The following CD99L2 variants were observed in gnomAD, a reference collection of about 807,000 sequenced individuals.
CD99L2 encodes CD99 antigen-like protein 2.
Under a neutral mutation model 27.3 loss-of-function variants are expected in CD99L2, and 24 were observed. The ratio of observed to expected loss-of-function variants is 0.88; its 90% CI spans 0.64 to 1.24. The LOEUF (loss-of-function observed/expected upper bound fraction) is 1.24, where lower values mean the gene tolerates loss of function less well. Ranked by LOEUF, CD99L2 falls within the 50% of genes most tolerant of loss-of-function variation. The pLI is 0.00. For missense variants in CD99L2, 255 were observed against 221.6 expected, an observed-to-expected ratio of 1.15 and a Z score of -0.96; for synonymous variants, 97 against 87.9, an observed-to-expected ratio of 1.10 and a Z score of -0.58.
At chrX:150,829,063 T>C (rs1430181115) in intron 2 of CD99L2, 3 of 114,242 alleles carry the variant, frequency 2.6e-5, no homozygotes, top group African/African-American at 9.8e-5. Context: ...GATTTGTCCA[T>C]GGCTGTAGCC....
chrX:150,872,869 G>A (rs1483666010), intron 1 of CD99L2, among the ~76,000 whole-genome samples: 1 of 111,827 alleles, frequency 8.9e-6, no homozygotes, highest in Non-Finnish European at 1.9e-5. Context: ...GTAGAGGATG[G>A]GCCAGTGGCC....
At chrX:150,873,575 AT>A (rs782734167) in intron 1 of CD99L2, among the ~76,000 whole-genome samples, 22 of 112,017 alleles carry the variant, frequency 2.0e-4, no homozygotes, top group Admixed American at 1.0e-3. Context: ...TTATATCTCA[AT>A]TTTTTTAAAG....
At chrX:150,863,135 T>C (rs879974578) in intron 1 of CD99L2, among the ~76,000 whole-genome samples, 2 of 112,422 alleles carry the variant, frequency 1.8e-5, no homozygotes, top group Admixed American at 1.9e-4. Flanking sequence ...ATTATGCCTT[T>C]GCTACAAGTT....
intron 7 of CD99L2, among the ~76,000 whole-genome samples, chrX:150,780,918 A>T (rs1557419420): frequency 8.9e-6 from 1 of 112,445 alleles, no homozygotes; most frequent in Non-Finnish European, 1.9e-5. Flanking sequence ...GTGGAAATGG[A>T]GGTTGGCACA....
At chrX:150,820,843 A>G (rs781914026) in intron 2 of CD99L2, among the ~76,000 whole-genome samples, 39 of 112,082 alleles carry the variant, frequency 3.5e-4, no homozygotes, top group Non-Finnish European at 6.0e-4. Flanking sequence ...TATAAGATCA[A>G]CATGAAAATC....
intron 1 of CD99L2, among the ~76,000 whole-genome samples, chrX:150,891,385 G>A (rs1431089914): frequency 9.0e-6 from 1 of 111,644 alleles, no homozygotes; most frequent in East Asian, 2.8e-4. Flanking sequence ...GAGGCTGTGT[G>A]GTCCTTGGTT....
chrX:150,784,712 T>A (rs2045567818), intron 7 of CD99L2, among the ~76,000 whole-genome samples: 1 of 111,948 alleles, frequency 8.9e-6, no homozygotes, highest in African/African-American at 3.3e-5. Context: ...CACAGGGAGG[T>A]GTGACAGAGA....
At position 150,849,619 on chromosome X, in the gene CD99L2, C is replaced by G. The variant is rs782351684; in HGVS notation, c.68-18326G>C. On this transcript the variant is annotated intron_variant, in intron 1 of 10. Transcript: ENST00000370377. ...ATTGCTTGAGCCCAGGAGGTTGAGG[C>G]TGCAGTGAGCCATGACCGCACCACT... Among the ~76,000 whole-genome samples, 4 of 111,651 alleles carry G rather than the reference C, an allele frequency of 3.6e-5. No individual in the cohort carries two copies. The South Asian group carries it at 1.1e-3, about 32-fold the overall frequency.
chrX:150,892,781 A>AT (rs2047539572), intron 1 of CD99L2, among the ~76,000 whole-genome samples: 1 of 110,140 alleles, frequency 9.1e-6, no homozygotes, highest in Admixed American at 9.7e-5. Flanking sequence ...GCCCTTCCTC[A>AT]ATGCCTACTG....
At chrX:150,857,237 T>C (rs912304414) in intron 1 of CD99L2, among the ~76,000 whole-genome samples, 2 of 111,374 alleles carry the variant, frequency 1.8e-5, no homozygotes, top group Non-Finnish European at 3.8e-5. Context: ...TAGCAGGGAA[T>C]ATAGACATCC....
intron 4 of CD99L2, among the ~76,000 whole-genome samples, chrX:150,799,780 G>A (rs1187810344): frequency 3.6e-5 from 4 of 111,669 alleles, no homozygotes; most frequent in African/African-American, 1.3e-4. Flanking sequence ...ATTGCTGGTG[G>A]GAATGTAAAA....
intron 7 of CD99L2, 135 bp from the exon 8 acceptor site, chrX:150,777,617 C>T (rs373341292): frequency 1.3e-4 from 84 of 629,124 alleles, no homozygotes; most frequent in Admixed American, 3.1e-4. Context: ...GTGGATCACC[C>T]GTAGGCTTCT....
At chrX:150,793,948 G>C (rs1408302222) in intron 6 of CD99L2, among the ~76,000 whole-genome samples, 192 bp from the exon 7 acceptor site, 4 of 111,297 alleles carry the variant, frequency 3.6e-5, no homozygotes, top group Non-Finnish European at 5.7e-5. Flanking sequence ...CCACCACTCT[G>C]AGTGTGAGTG....
intron 1 of CD99L2, among the ~76,000 whole-genome samples, chrX:150,888,002 AT>A (rs2047440919): frequency 8.9e-6 from 1 of 111,870 alleles, no homozygotes; most frequent in African/African-American, 3.2e-5. Context: ...GAAATGTGAG[AT>A]TTGTGCGGCA....
intron 7 of CD99L2, among the ~76,000 whole-genome samples, chrX:150,789,452 T>C (rs1047935241): frequency 8.9e-6 from 1 of 112,316 alleles, no homozygotes; most frequent in Non-Finnish European, 1.9e-5. Flanking sequence ...TGAATACAAG[T>C]CCTTTATCAG....
chrX:150,802,441 G>A (rs1421685186), intron 4 of CD99L2, among the ~76,000 whole-genome samples: 3 of 108,397 alleles, frequency 2.8e-5, no homozygotes, highest in Non-Finnish European at 5.8e-5. Context: ...GTATGTGCCT[G>A]TAGTCCCAGC....
chrX:150,864,362 A>G (rs1227796278), intron 1 of CD99L2, among the ~76,000 whole-genome samples: 1 of 112,836 alleles, frequency 8.9e-6, no homozygotes, highest in African/African-American at 3.2e-5. Flanking sequence ...CCTTTATCAC[A>G]GCTGCTTAGC....
intron 4 of CD99L2, among the ~76,000 whole-genome samples, chrX:150,813,261 T>A (rs1557420392): frequency 8.9e-6 from 1 of 111,823 alleles, no homozygotes; most frequent in Admixed American, 9.5e-5. Context: ...TTTGAATAAA[T>A]GCATAGATTA....
intron 4 of CD99L2, among the ~76,000 whole-genome samples, chrX:150,807,675 A>G (rs925674349): frequency 8.9e-6 from 1 of 111,933 alleles, no homozygotes; most frequent in Admixed American, 9.4e-5. Flanking sequence ...GATTATAAGA[A>G]AAAAAGGCAG....
Sources: allele counts gnomAD v4.1 joint callset (sites outside exome capture counted in the v4.1 genomes callset), GRCh38; gene constraint gnomAD v4.1.1; transcripts MANE v1.5; gene names NCBI Gene and HGNC (gene_info 2026-07-23, HGNC 2026-07-21).